Variants in DNAJC3 observed in about 807,000 individuals in gnomAD.
DNAJC3 encodes DnaJ heat shock protein family (Hsp40) member C3.
In DNAJC3, 38 loss-of-function variants were observed where a neutral mutation model predicts 68.6. The ratio of observed to expected loss-of-function variants is 0.55; its 90% CI spans 0.43 to 0.73. The LOEUF (loss-of-function observed/expected upper bound fraction) is 0.73. Among genes scored for constraint, DNAJC3 ranks in the 30% least tolerant of loss-of-function variants. DNAJC3 has a pLI of 0.00. For synonymous variants in DNAJC3, 203 were observed against 204.0 expected, an observed-to-expected ratio of 1.00 and a Z score of 0.04; for missense variants, 526 against 591.9, an observed-to-expected ratio of 0.89 and a Z score of 1.16.
At chr13:95,790,107 T>TCTA (rs1456594508) in intron 11 of DNAJC3, among the ~76,000 whole-genome samples, 3 of 152,230 alleles carry the variant, frequency 2.0e-5, no homozygotes, top group Non-Finnish European at 4.4e-5. Context: ...CTCTTTAGTT[T>TCTA]AATTAGATCT....
At chr13:95,687,253 T>A (rs1165437664) in intron 1 of DNAJC3, among the ~76,000 whole-genome samples, 1 of 152,208 alleles carries the variant, frequency 6.6e-6, no homozygotes, top group Admixed American at 6.5e-5. Context: ...AAGTTGTTTA[T>A]CGGTCTTGGA....
chr13:95,692,082 GA>G, intron 1 of DNAJC3, among the ~76,000 whole-genome samples: 1 of 147,082 alleles, frequency 6.8e-6, no homozygotes, highest in African/African-American at 2.7e-5. Context: ...AAGAGAGGGA[GA>G]GGGAGACCGT....
intron 4 of DNAJC3, among the ~76,000 whole-genome samples, chr13:95,739,141 G>A (rs1489786142): frequency 6.6e-6 from 1 of 152,168 alleles, no homozygotes; most frequent in Non-Finnish European, 1.5e-5. Flanking sequence ...TAAGAATGTT[G>A]AATATTGGCC....
rs573377536 is a variant in DNAJC3, at chr13:95,784,681, C to T, written c.1076-1258C>T. Among the ~76,000 whole-genome samples the T allele has an allele frequency of 2.0e-5, 3 of 152,292 alleles. No individual in the cohort carries two copies. The East Asian group carries it at 5.8e-4, about 29-fold the overall frequency. On this transcript the variant is annotated intron_variant, in intron 9 of 11. Coordinates refer to ENST00000602402, the MANE Select transcript of DNAJC3 (RefSeq NM_006260.5). Reference sequence around the variant, plus strand: ...CTTACCATGGAATGTTGGGAACACTCCTGAAATCTGGCTTCCCAAACGTCA... The same window carrying T: ...CTTACCATGGAATGTTGGGAACACTTCTGAAATCTGGCTTCCCAAACGTCA...
At chr13:95,733,321 G>A (rs9561944) in intron 4 of DNAJC3, among the ~76,000 whole-genome samples, 10,379 of 152,054 alleles carry the variant, frequency 0.068, 480 homozygotes, top group East Asian at 0.18. Context: ...CTCCAGTGTT[G>A]GGTACATATA....
intron 4 of DNAJC3, among the ~76,000 whole-genome samples, chr13:95,734,970 T>TC (rs1304897100): frequency 2.0e-5 from 1 of 50,504 alleles, no homozygotes; most frequent in Admixed American, 2.3e-4. Context: ...CCCTCCCCCC[T>TC]CCCCCCCACC....
intron 4 of DNAJC3, among the ~76,000 whole-genome samples, chr13:95,728,574 G>A (rs947227238): frequency 3.3e-5 from 5 of 152,046 alleles, no homozygotes; most frequent in South Asian, 2.1e-4. Flanking sequence ...TAGATACTTT[G>A]TTGGATATGT....
chr13:95,700,374 AAAT>A (rs1566472883), intron 1 of DNAJC3, among the ~76,000 whole-genome samples: 1 of 152,150 alleles, frequency 6.6e-6, no homozygotes, highest in Non-Finnish European at 1.5e-5. Flanking sequence ...ATATGCCAAA[AAAT>A]ATGTTTTGGG....
chr13:95,704,495 C>T (rs1413877944), intron 1 of DNAJC3, among the ~76,000 whole-genome samples: 1 of 152,136 alleles, frequency 6.6e-6, no homozygotes, highest in Non-Finnish European at 1.5e-5. Context: ...ACCAGTTAAT[C>T]TTAGTGTCAT....
chr13:95,779,953 G>A (rs1021539632), intron 9 of DNAJC3, among the ~76,000 whole-genome samples: 1 of 152,186 alleles, frequency 6.6e-6, no homozygotes, highest in South Asian at 2.1e-4. Flanking sequence ...ATCATAAAAT[G>A]AGTTGGAGTT....
chr13:95,678,931 GTCT>G (rs1033311568), intron 1 of DNAJC3, among the ~76,000 whole-genome samples: 13 of 152,150 alleles, frequency 8.5e-5, no homozygotes, highest in Non-Finnish European at 2.9e-5. Flanking sequence ...GTGCCAGAGT[GTCT>G]TCTTTAGGAC....
At chr13:95,688,772 G>A (rs1477263291) in intron 1 of DNAJC3, among the ~76,000 whole-genome samples, 1 of 152,120 alleles carries the variant, frequency 6.6e-6, no homozygotes, top group African/African-American at 2.4e-5. Flanking sequence ...AAGGTGCTGG[G>A]ATTACAGGTG....
chr13:95,711,030 A>G (rs115625978), intron 2 of DNAJC3, among the ~76,000 whole-genome samples: 2 of 151,998 alleles, frequency 1.3e-5, no homozygotes, highest in Non-Finnish European at 2.9e-5. Flanking sequence ...TCCCAGAAAA[A>G]CTATCATCCT....
Position 95,791,546 on chromosome 13 carries a change from G to GT in DNAJC3, c.*517dup, listed in dbSNP as rs1368317447. 3 of 159,012 alleles carry GT rather than the reference G, an allele frequency of 1.9e-5. No individual in the cohort carries two copies. The highest frequency in any genetic ancestry group is 7.2e-5 in the African/African-American group (3 of 41,462). The allele number at this position is 159,012 out of a possible 1,614,324, so 9.9% of individuals were successfully genotyped here. The stretch of plus-strand genomic sequence containing the variant: ...TGTGAGTAGCTGTGAAATCTTTAGT[G>GT]TGCATGTGTTTGCACCTCTGTGGTC... On this transcript the variant is annotated 3_prime_UTR_variant, in exon 12 of 12. Coordinates refer to ENST00000602402, the MANE Select transcript of DNAJC3 (RefSeq NM_006260.5).
intron 2 of DNAJC3, among the ~76,000 whole-genome samples, chr13:95,718,521 C>T (rs530641549): frequency 1.3e-5 from 2 of 152,328 alleles, no homozygotes; most frequent in African/African-American, 2.4e-5. Context: ...CCTCTTCAGC[C>T]TCTGGAGTAG....
chr13:95,776,104 C>T (rs1883284336), intron 9 of DNAJC3, among the ~76,000 whole-genome samples: 1 of 151,898 alleles, frequency 6.6e-6, no homozygotes, highest in East Asian at 1.9e-4. Flanking sequence ...CTTTCACTGC[C>T]TTTCTGGGTT....
intron 9 of DNAJC3, among the ~76,000 whole-genome samples, chr13:95,765,575 T>G (rs554090385): frequency 1.3e-5 from 2 of 149,344 alleles, no homozygotes; most frequent in East Asian, 1.9e-4. Context: ...CTGTTTTTTT[T>G]TTTTTTTTTT....
chr13:95,783,241 G>A (rs1269205943), intron 9 of DNAJC3, among the ~76,000 whole-genome samples: 1 of 152,052 alleles, frequency 6.6e-6, no homozygotes, highest in Non-Finnish European at 1.5e-5. Context: ...TTAGTTTTCT[G>A]CAATTGTGTG....
At chr13:95,677,460 C>T (rs1879789064) in intron 1 of DNAJC3, 123 bp downstream of exon 1, 2 of 1,020,958 alleles carry the variant, frequency 2.0e-6, no homozygotes, top group Non-Finnish European at 2.7e-6. Flanking sequence ...CTGGGGGAGC[C>T]CGCGGCCTGG....
Sources: gnomAD v4.1 joint callset for allele counts (sites outside exome capture counted in the v4.1 genomes callset) on GRCh38, gnomAD v4.1.1 for gene constraint, MANE v1.5 for transcripts, NCBI Gene and HGNC (gene_info 2026-07-23, HGNC 2026-07-21) for gene names.